The following DST variants were observed in gnomAD, a reference collection of about 807,000 sequenced individuals.
The protein encoded by DST is bullous pemphigoid antigen.
DST carries 253 observed loss-of-function variants against 875.2 expected under a neutral mutation model. The ratio of observed to expected loss-of-function variants is 0.29; its 90% confidence interval spans 0.26 to 0.32. The LOEUF (loss-of-function observed/expected upper bound fraction) is 0.32, where lower values mean the gene tolerates loss of function less well. DST is among the 10% of genes least tolerant of loss of function. The probability of loss-of-function intolerance (pLI) is 1.00; values close to 1 mark genes in which losing one functional copy is unlikely to be tolerated. For synonymous variants in DST, 3,124 were observed against 3,197.1 expected (o/e 0.98, Z 0.77); for missense variants, 8,287 against 9,111.6 (o/e 0.91, Z 3.68).
At chr6:56,575,935 T>C (rs1347341969) in intron 50 of DST, among the ~76,000 whole-genome samples, 1 of 152,024 alleles carries the variant, frequency 6.6e-6, no homozygotes, top group African/African-American at 2.4e-5. Flanking sequence ...GCCTCCTGGA[T>C]AGTCTTAGGG....
chr6:56,549,188 C>G (rs1475375167), intron 61 of DST, among the ~76,000 whole-genome samples: 1 of 152,172 alleles, frequency 6.6e-6, no homozygotes, highest in African/African-American at 2.4e-5. Flanking sequence ...CTATTATTCT[C>G]AGTTCTGCTC....
rs747710929 is a variant in DST at position 56,629,419 on chromosome 6, T to C, written c.4306A>G (p.Lys1436Glu). ...LKQWRSEVDE[K>E]RQVFHALEDE... ...TCTAAGGCATGGAATACCTGTCTCTTTTCATCTACTTCAGATCTCCATTGC... is the reference window on the plus strand; with the variant it reads ...TCTAAGGCATGGAATACCTGTCTCTCTTCATCTACTTCAGATCTCCATTGC... The change falls in exon 32 of 104, where the codon AAG becomes GAG. Residue 1436 changes from lysine to glutamate, a missense_variant. Physicochemically the swap from Lys to Glu is moderately conservative, Grantham distance 56 (BLOSUM62 1). Coordinates refer to ENST00000680361, the MANE Select transcript of DST (RefSeq NM_001374736.1). 11 of 1,613,270 alleles carry C rather than the reference T, an allele frequency of 6.8e-6. No individual in the cohort carries two copies. Among genetic ancestry groups the C allele is most frequent in the Admixed American group, 5.0e-5 (3 of 59,988 alleles).
Position 56,703,669 on chromosome 6 carries a change from A to G in DST, c.855T>C (p.Asp285=). Residue 285 remains aspartate, a synonymous_variant, in exon 7 of 104, where the codon GAT becomes GAC. Transcript: ENST00000680361. ...TEACEYEQHE[D]VEDEDKGPRE... The stretch of plus-strand genomic sequence containing the variant: ...CTACCCCCTTATCCTCATCCTCCAC[A>G]TCCTCATGCTGTTCATATTCGCATG... The G allele has an allele frequency of 7.1e-6, 7 of 985,122 alleles. No homozygotes were observed. Among genetic ancestry groups the G allele is most frequent in the Non-Finnish European group, 8.4e-6 (7 of 829,770 alleles). The allele number at this position is 985,122 out of a possible 1,614,324, so 61.0% of individuals were successfully genotyped here.
Position 56,487,231 on chromosome 6 carries a change from T to A in DST, c.20920A>T (p.Thr6974Ser). ...AGAGAACGTCCAGTCCTGTTGGTGG[T>A]GTCGTAGACAGAATGCTTGGCTCCG... Reference protein sequence around the residue: ...SLGAKHSVYDTTNRTGRSLKE... With the variant: ...SLGAKHSVYDSTNRTGRSLKE... Residue 6974 changes from threonine (T) to serine (S), a missense_variant, in exon 87 of 104, where the codon ACC becomes TCC. By Grantham distance (58) the Thr-to-Ser change is moderately conservative. This residue lies in a region of DST where 1,292 missense variants were observed against 1,552.7 expected (regional missense o/e 0.83). Transcript: ENST00000680361. 1.2e-6 allele frequency: 2 copies of A among 1,601,518 alleles called. No homozygotes were observed. Among genetic ancestry groups the A allele is most frequent in the Non-Finnish European group, 1.7e-6 (2 of 1,173,196 alleles).
chr6:56,517,099 G>GC lies in DST; in HGVS notation c.18357+98dup, dbSNP rs545912823. 2.9e-4 allele frequency: 243 copies of GC among 835,360 alleles called. No individual in the cohort carries two copies. The African/African-American group carries it at 3.7e-3, about 13-fold the overall frequency. 51.7% of individuals were successfully genotyped at this position (835,360 alleles called of 1,614,324 possible). A position where few individuals can be genotyped will look rare whatever the true frequency, so the allele number is the denominator to read the frequency against. On this transcript the variant is annotated intron_variant, in intron 71 of 103. Transcript: ENST00000680361. ...ACTAATTATTTTTGCTGCTTAAATG[G>GC]CAGCTGTGGATAACGGAGAAGTGTT...
chr6:56,828,739 T>C (rs1348416117), intron 4 of DST, among the ~76,000 whole-genome samples: 2 of 152,186 alleles, frequency 1.3e-5, no homozygotes, highest in East Asian at 1.9e-4. Context: ...GCATACTCAA[T>C]GTTTACATCT....
chr6:56,750,316 G>A (rs1217118124), intron 4 of DST, among the ~76,000 whole-genome samples: 1 of 151,946 alleles, frequency 6.6e-6, no homozygotes, highest in Non-Finnish European at 1.5e-5. Context: ...TTTCTGTATC[G>A]TTCCAATTTT....
At chr6:56,582,857 G>C (rs561509104) in intron 49 of DST, among the ~76,000 whole-genome samples, 32 of 151,590 alleles carry the variant, frequency 2.1e-4, no homozygotes, top group Non-Finnish European at 3.8e-4. Context: ...TTGGTTTTTT[G>C]GCCTTGTGAT....
chr6:56,481,789 T>C (rs911015579), intron 90 of DST, among the ~76,000 whole-genome samples: 1 of 152,186 alleles, frequency 6.6e-6, no homozygotes, highest in South Asian at 2.1e-4. Context: ...TAAATCAATA[T>C]GCTTCCTTGA....
intron 4 of DST, among the ~76,000 whole-genome samples, chr6:56,770,886 G>A (rs2099656548): frequency 6.6e-6 from 1 of 151,834 alleles, no homozygotes; most frequent in Admixed American, 6.6e-5. Flanking sequence ...TGTAATCCCA[G>A]CTACTTGGGA....
chr6:56,536,923 C>A lies in DST; in HGVS notation c.16626G>T (p.Glu5542Asp). The A allele has an allele frequency of 6.2e-7, 1 of 1,613,828 alleles. No homozygotes were observed. The highest frequency in any genetic ancestry group is 8.5e-7 in the Non-Finnish European group (1 of 1,179,784). Residue 5542 changes from glutamate (E) to aspartate (D), a missense_variant, in exon 62 of 104, where the codon GAG becomes GAT. Glu to Asp is a conservative substitution (Grantham distance 45, BLOSUM62 2). This residue lies in a region of DST where 777 missense variants were observed against 764.8 expected (regional missense o/e 1.02). Coordinates refer to ENST00000680361, the MANE Select transcript of DST (RefSeq NM_001374736.1). ...GCTGTTTACCTTGCAAGGGTTCAATCTCTTCTTTCTGGAATACCTGCAGTT... is the reference window on the plus strand; with the variant it reads ...GCTGTTTACCTTGCAAGGGTTCAATATCTTCTTTCTGGAATACCTGCAGTT... ...LNMFKVFQKEEIEPLQGKQQD... is the reference protein window; with the variant it reads ...LNMFKVFQKEDIEPLQGKQQD...
intron 9 of DST, among the ~76,000 whole-genome samples, chr6:56,672,375 G>C (rs754216501): frequency 6.6e-6 from 1 of 152,122 alleles, no homozygotes; most frequent in Non-Finnish European, 1.5e-5. Flanking sequence ...ATTTAAAAGC[G>C]GAACAAACTG....
At chr6:56,514,742 TG>T (rs2096557381) in intron 72 of DST, among the ~76,000 whole-genome samples, 1 of 152,178 alleles carries the variant, frequency 6.6e-6, no homozygotes, top group African/African-American at 2.4e-5. Context: ...TCTGACAGTC[TG>T]GAATGCTCTC....
intron 88 of DST, 136 bp downstream of exon 88, chr6:56,485,176 T>A: frequency 2.1e-6 from 2 of 942,086 alleles, no homozygotes; most frequent in East Asian, 2.6e-5. Context: ...AACGGACACA[T>A]ATTTCAACAA....
chr6:56,539,395 T>C (rs2152529311), intron 61 of DST, among the ~76,000 whole-genome samples: 1 of 152,260 alleles, frequency 6.6e-6, no homozygotes, highest in Non-Finnish European at 1.5e-5. Flanking sequence ...TTACTGCATG[T>C]CTAAGAAAAA....
intron 3 of DST, chr6:56,871,148 G>A: frequency 3.0e-6 from 2 of 659,240 alleles, no homozygotes; most frequent in Non-Finnish European, 2.8e-6. Flanking sequence ...AAATGTGTGG[G>A]GCTCTTCCTC....
chr6:56,573,687 T>C lies in DST; in HGVS notation c.13228A>G (p.Lys4410Glu). ...NSTALQDIIS[K>E]NIMLEQDIAG... The stretch of plus-strand genomic sequence containing the variant: ...TTTTTAAAGTCACTTACAATGTTTT[T>C]ACTGATAATATCCTGAAGAGCAGTA... Residue 4410 changes from lysine to glutamate, a missense_variant, in exon 51 of 104, where the codon AAA becomes GAA. Physicochemically the swap from Lys to Glu is moderately conservative, Grantham distance 56. Transcript: ENST00000680361. 4 of 1,612,126 alleles carry C rather than the reference T, an allele frequency of 2.5e-6. No homozygotes were observed. Among genetic ancestry groups the C allele is most frequent in the South Asian group, 1.1e-5 (1 of 90,870 alleles).
chr6:56,898,512 A>T (rs1192351421), intron 3 of DST, among the ~76,000 whole-genome samples: 1 of 152,254 alleles, frequency 6.6e-6, no homozygotes, highest in African/African-American at 2.4e-5. Context: ...GCAAAGAATT[A>T]GCTAGACTCC....
At position 56,484,314 on chromosome 6, in the gene DST, A is replaced by G. The variant is rs551841595; in HGVS notation, c.21207+998T>C. ...TTTTTAACTTTTGTAGACTTGACCA[A>G]TGTTCTTTATTTATTCTTTTATTTT... On this transcript the variant is annotated intron_variant, in intron 88 of 103. Transcript: ENST00000680361. 3.3e-5 allele frequency: 5 copies of G among 152,218 alleles called. No homozygotes were observed. In the East Asian group the frequency reaches 5.8e-4, roughly 18 times the overall value. 9.4% of individuals were successfully genotyped at this position (152,218 alleles called of 1,614,324 possible). A position where few individuals can be genotyped will look rare whatever the true frequency, so the allele number is the denominator to read the frequency against.
Sources: gnomAD v4.1 joint callset for allele counts (sites outside exome capture counted in the v4.1 genomes callset) on GRCh38, gnomAD v4.1.1 for gene constraint, gnomAD v4.1.1 regional missense constraint, MANE v1.5 for transcripts, NCBI Gene and HGNC (gene_info 2026-07-23, HGNC 2026-07-21) for gene names.